The following MYO16 variants were observed in gnomAD, a reference collection of about 807,000 sequenced individuals.
The protein encoded by MYO16 is myosin XVI.
MYO16 carries 94 observed loss-of-function variants against 205.3 expected under a neutral mutation model. The observed-to-expected ratio is 0.46, with a 90% CI of 0.39 to 0.54. The LOEUF (loss-of-function observed/expected upper bound fraction) is 0.54, where lower values mean the gene tolerates loss of function less well. MYO16 is among the 20% of genes least tolerant of loss of function. MYO16 has a pLI of 0.00. For synonymous variants in MYO16, 988 were observed against 954.0 expected, an observed-to-expected ratio of 1.04 and a Z score of -0.66; for missense variants, 2,315 against 2,387.5, an observed-to-expected ratio of 0.97 and a Z score of 0.63.
chr13:108,974,495 T>C (rs577545236), intron 20 of MYO16, among the ~76,000 whole-genome samples: 1 of 152,310 alleles, frequency 6.6e-6, no homozygotes, highest in South Asian at 2.1e-4. Flanking sequence ...TATAATAATT[T>C]CTTAGTTTAT....
the MYO16 span, among the ~76,000 whole-genome samples, chr13:108,584,054 T>C: frequency 2.5e-3 from 373 of 152,164 alleles, 1 homozygote; most frequent in African/African-American, 8.5e-3. Flanking sequence ...CCCAGGTTCA[T>C]GCCATTCTCC....
intron 16 of MYO16, among the ~76,000 whole-genome samples, chr13:108,956,248 A>G (rs1883343779): frequency 6.6e-6 from 1 of 152,058 alleles, no homozygotes; most frequent in African/African-American, 2.4e-5. Context: ...CTTGCTACTC[A>G]TCATGAGCTC....
At chr13:108,720,807 G>A (rs1337417067) in intron 3 of MYO16, among the ~76,000 whole-genome samples, 1 of 152,146 alleles carries the variant, frequency 6.6e-6, no homozygotes, top group African/African-American at 2.4e-5. Flanking sequence ...TTAAAAATTG[G>A]TGAAAGATAA....
intron 14 of MYO16, among the ~76,000 whole-genome samples, chr13:108,890,421 G>T (rs1399607847): frequency 1.3e-5 from 2 of 152,120 alleles, no homozygotes; most frequent in African/African-American, 2.4e-5. Flanking sequence ...ATCCTCCAGT[G>T]CATGTCCCTG....
chr13:109,124,974 T>G, intron 29 of MYO16, 138 bp from the exon 30 acceptor site: 1 of 948,314 alleles, frequency 1.1e-6, no homozygotes, highest in Non-Finnish European at 1.6e-6. Flanking sequence ...CACTGCTGAT[T>G]TAGATAAAGT....
intron 32 of MYO16, among the ~76,000 whole-genome samples, chr13:109,147,152 T>G (rs768670123): frequency 6.6e-6 from 1 of 151,688 alleles, no homozygotes; most frequent in Non-Finnish European, 1.5e-5. Flanking sequence ...AGGGAACACT[T>G]GCAGACAGCC....
At chr13:109,202,568 A>G (rs1880439930) in intron 34 of MYO16, among the ~76,000 whole-genome samples, 1 of 152,216 alleles carries the variant, frequency 6.6e-6, no homozygotes, top group Non-Finnish European at 1.5e-5. Context: ...ATGCGAACAA[A>G]TGGAAACACA....
At chr13:108,848,885 G>T (rs1337349016) in intron 10 of MYO16, among the ~76,000 whole-genome samples, 1 of 152,180 alleles carries the variant, frequency 6.6e-6, no homozygotes, top group East Asian at 1.9e-4. Context: ...GTGCTCTTTT[G>T]GGGGCACCAC....
At chr13:109,128,032 A>G (rs759273332) in intron 31 of MYO16, among the ~76,000 whole-genome samples, 42 of 152,336 alleles carry the variant, frequency 2.8e-4, no homozygotes, top group Non-Finnish European at 5.6e-4. Context: ...TTCTGCATCC[A>G]TTGTCTAGAA....
Position 108,964,837 on chromosome 13 carries a change from T to C in MYO16, c.2304T>C (p.Ser768=). 1 of 1,614,092 alleles carries C rather than the reference T, an allele frequency of 6.2e-7. No homozygotes were observed. Among genetic ancestry groups the C allele is most frequent in the Non-Finnish European group, 8.5e-7 (1 of 1,180,000 alleles). Reference sequence around the variant, plus strand: ...ACCTCTTGGCCAAGTCCCTGTACAGTCGTTTGTTTAGCTTTTTGGTGAATA... The same window carrying C: ...ACCTCTTGGCCAAGTCCCTGTACAGCCGTTTGTTTAGCTTTTTGGTGAATA... ...FRDLLAKSLY[S]RLFSFLVNTM... Residue 768 remains serine (S), a synonymous_variant, in exon 20 of 35, where the codon AGT becomes AGC. Coordinates refer to ENST00000457511, the MANE Select transcript of MYO16 (RefSeq NM_001198950.3).
chr13:109,199,202 A>G (rs1400528871), intron 34 of MYO16, among the ~76,000 whole-genome samples: 1 of 35,304 alleles, frequency 2.8e-5, no homozygotes, highest in East Asian at 8.3e-4. Context: ...GTATATATAT[A>G]TATATATATA....
intron 12 of MYO16, among the ~76,000 whole-genome samples, chr13:108,868,835 G>A (rs1414729383): frequency 2.7e-5 from 4 of 150,690 alleles, no homozygotes; most frequent in East Asian, 2.0e-4. Flanking sequence ...CAGGAGAATC[G>A]CTTGAACCCG....
rs554790115 is a variant in MYO16 at position 108,643,520 on chromosome 13, G to C, written c.28+13648G>C. ...TTCATTTCCTTTAGTAAATGTTCAA[G>C]AGTGCAATTGCTGGGTATGGCAAGT... On this transcript the variant is annotated intron_variant, in intron 1 of 34. Coordinates refer to ENST00000457511, the MANE Select transcript of MYO16 (RefSeq NM_001198950.3). 2.7e-4 allele frequency among the ~76,000 whole-genome samples: 41 copies of C among 152,342 alleles called. No individual in the cohort carries two copies. In the South Asian group the frequency reaches 8.1e-3, roughly 30 times the overall value.
intron 23 of MYO16, among the ~76,000 whole-genome samples, chr13:109,035,217 GTT>G (rs368977940): frequency 6.7e-6 from 1 of 149,598 alleles, no homozygotes; most frequent in African/African-American, 2.4e-5. Context: ...GTATTTGAAA[GTT>G]TTTTTTTTCC....
At chr13:108,616,269 A>G (rs534948568) in intron 1 of MYO16, among the ~76,000 whole-genome samples, 3 of 152,346 alleles carry the variant, frequency 2.0e-5, no homozygotes, top group Non-Finnish European at 4.4e-5. Context: ...GTAGACATTA[A>G]GGAGAAAACA....
intron 12 of MYO16, among the ~76,000 whole-genome samples, chr13:108,871,510 G>A (rs1330603414): frequency 6.6e-6 from 1 of 152,030 alleles, no homozygotes; most frequent in East Asian, 1.9e-4. Context: ...CCTCCTAGCA[G>A]GCACATAAGT....
chr13:108,811,534 C>T (rs557646560), intron 7 of MYO16, among the ~76,000 whole-genome samples: 2 of 98,682 alleles, frequency 2.0e-5, no homozygotes, highest in South Asian at 5.5e-4. Flanking sequence ...TGTCCTCTAA[C>T]ACCACCTGTT....
At chr13:109,108,061 C>T (rs572246426) in intron 28 of MYO16, among the ~76,000 whole-genome samples, 4 of 152,210 alleles carry the variant, frequency 2.6e-5, no homozygotes, top group African/African-American at 9.6e-5. Context: ...CGTATTCATT[C>T]ACTTTGTTTT....
intron 4 of MYO16, among the ~76,000 whole-genome samples, chr13:108,737,534 G>T (rs1185280782): frequency 9.2e-5 from 14 of 152,168 alleles, no homozygotes; most frequent in Admixed American, 1.3e-4. Context: ...GCTGGATTCG[G>T]TTTGCCAGTA....
Sources: allele counts gnomAD v4.1 joint callset (sites outside exome capture counted in the v4.1 genomes callset), GRCh38; gene constraint gnomAD v4.1.1; transcripts MANE v1.5; gene names NCBI Gene and HGNC (gene_info 2026-07-23, HGNC 2026-07-21).